SWAP70: variants seen among roughly 807,000 people sequenced by gnomAD.
SWAP70 encodes switching B cell complex subunit SWAP70.
In SWAP70, 34 loss-of-function variants were observed where a neutral mutation model predicts 80.2. The ratio of observed to expected loss-of-function variants is 0.42; its 90% confidence interval spans 0.32 to 0.56. The LOEUF (loss-of-function observed/expected upper bound fraction) is 0.56. SWAP70 is among the 20% of genes least tolerant of loss of function. The pLI is 0.09. For missense variants in SWAP70, 578 were observed against 690.7 expected, an observed-to-expected ratio of 0.84 and a Z score of 1.83; for synonymous variants, 239 against 238.5, an observed-to-expected ratio of 1.00 and a Z score of -0.02.
intron 1 of SWAP70, among the ~76,000 whole-genome samples, chr11:9,677,233 T>C (rs935494731): frequency 1.3e-5 from 2 of 152,142 alleles, no homozygotes; most frequent in African/African-American, 4.8e-5. Context: ...TTATTTCTCT[T>C]CTACTGGTGC....
chr11:9,731,956 CAGTT>C (rs1238297814), intron 6 of SWAP70, among the ~76,000 whole-genome samples: 3 of 152,012 alleles, frequency 2.0e-5, no homozygotes, highest in Admixed American at 6.5e-5. Flanking sequence ...TGTTGTATAA[CAGTT>C]AGATAATGCA....
chr11:9,740,426 G>A (rs778185098), intron 9 of SWAP70, 79 bp downstream of exon 9: 3 of 1,403,352 alleles, frequency 2.1e-6, no homozygotes, highest in South Asian at 2.3e-5. Context: ...CTAACACTCT[G>A]GTGGAGAGGG....
intron 4 of SWAP70, 176 bp downstream of exon 4, chr11:9,725,061 G>A (rs957862386): frequency 3.5e-6 from 2 of 569,088 alleles, no homozygotes; most frequent in Non-Finnish European, 3.1e-6. Flanking sequence ...GTGCAGTGAC[G>A]TGATCTTGGC....
chr11:9,683,088 C>T (rs552725938), intron 1 of SWAP70, among the ~76,000 whole-genome samples: 2 of 152,230 alleles, frequency 1.3e-5, no homozygotes, highest in South Asian at 4.1e-4. Flanking sequence ...ATAAATTTAC[C>T]TTTGAAGAAC....
At chr11:9,725,224 C>T (rs1292180664) in intron 4 of SWAP70, among the ~76,000 whole-genome samples, 1 of 151,828 alleles carries the variant, frequency 6.6e-6, no homozygotes, top group Non-Finnish European at 1.5e-5. Context: ...GTGATCCACC[C>T]ACGTCGGCCT....
chr11:9,707,557 C>CTTTTTTTTT (rs34901698), intron 2 of SWAP70, among the ~76,000 whole-genome samples: 1 of 64,814 alleles, frequency 1.5e-5, no homozygotes, highest in African/African-American at 5.8e-5. Flanking sequence ...TTTTTCTTTT[C>CTTTTTTTTT]TTTTTTTTTT....
intron 2 of SWAP70, among the ~76,000 whole-genome samples, chr11:9,698,385 GC>G (rs1276388114): frequency 2.6e-5 from 4 of 151,828 alleles, no homozygotes; most frequent in Admixed American, 2.6e-4. Flanking sequence ...ACGGGCGTGA[GC>G]CACTGTGCCT....
intron 1 of SWAP70, among the ~76,000 whole-genome samples, chr11:9,669,291 A>G (rs186513166): frequency 6.6e-6 from 1 of 152,156 alleles, no homozygotes; most frequent in African/African-American, 2.4e-5. Flanking sequence ...TCTGTTGCCC[A>G]GGGTTGAGTA....
chr11:9,728,806 T>A (rs1374717912), intron 5 of SWAP70, among the ~76,000 whole-genome samples: 1 of 152,166 alleles, frequency 6.6e-6, no homozygotes, highest in Non-Finnish European at 1.5e-5. Context: ...AATAATAATG[T>A]CTTGAGATGT....
intron 4 of SWAP70, 98 bp from the exon 5 acceptor site, chr11:9,727,955 A>G (rs1213447180): frequency 1.7e-6 from 2 of 1,163,590 alleles, no homozygotes; most frequent in South Asian, 1.7e-5. Flanking sequence ...TTTCAGGATC[A>G]TATATCAAAT....
intron 11 of SWAP70, 81 bp downstream of exon 11, chr11:9,749,264 A>T: frequency 5.2e-6 from 4 of 766,862 alleles, no homozygotes; most frequent in Non-Finnish European, 6.8e-6. Context: ...TTATTTTGAG[A>T]TGGAGTCTCG....
intron 4 of SWAP70, among the ~76,000 whole-genome samples, chr11:9,725,893 G>C (rs376951118): frequency 0.33 from 49,716 of 151,760 alleles, 8,361 homozygotes; most frequent in Non-Finnish European, 0.35. Flanking sequence ...TTTTATTTTG[G>C]AAATTCATAA....
chr11:9,728,300 A>G, intron 5 of SWAP70, 101 bp downstream of exon 5: 1 of 1,201,268 alleles, frequency 8.3e-7, no homozygotes, highest in East Asian at 2.8e-5. Flanking sequence ...ACCTTAAAAT[A>G]ATCCCCAAAT....
rs1415144493 is a variant in SWAP70, at chr11:9,675,371, GA to G, written c.99+11094del. ...CGAGAGAGAGAGAGAGAGAGAGAGA[GA>G]GAGAGAGAGAGAGAGAGAGAGAGAG... On this transcript the variant is annotated intron_variant, in intron 1 of 11. Transcript: ENST00000318950. Among the ~76,000 whole-genome samples, 424 of 46,100 alleles carry G rather than the reference GA, an allele frequency of 9.2e-3. 48 individuals are homozygous for G. The highest frequency in any genetic ancestry group is 0.016 in the Non-Finnish European group (286 of 18,372). 30.2% of individuals were successfully genotyped at this position (46,100 alleles called of 152,430 possible).
At position 9,727,175 on chromosome 11, in the gene SWAP70, G is replaced by A. The variant is rs574207799; in HGVS notation, c.643-878G>A. ...GGAGGCTGAGGTGGGCGGATCACGA[G>A]GTCAGGAGCTTGAGACCATCTGGCC... On this transcript the variant is annotated intron_variant, in intron 4 of 11. Coordinates refer to ENST00000318950, the MANE Select transcript of SWAP70 (RefSeq NM_015055.4). Among the ~76,000 whole-genome samples, 7 of 146,622 alleles carry A rather than the reference G, an allele frequency of 4.8e-5. No homozygotes were observed. The East Asian group carries it at 1.4e-3, about 29-fold the overall frequency.
chr11:9,702,660 A>G (rs1850848123), intron 2 of SWAP70, among the ~76,000 whole-genome samples: 1 of 152,032 alleles, frequency 6.6e-6, no homozygotes. Context: ...AGCTCAAGTG[A>G]TCCTCTTGCC....
intron 2 of SWAP70, among the ~76,000 whole-genome samples, chr11:9,707,947 A>G (rs1328238498): frequency 2.0e-5 from 3 of 152,254 alleles, no homozygotes; most frequent in South Asian, 4.1e-4. Context: ...TAGATAAGCT[A>G]TTTAGTGGTA....
chr11:9,713,597 T>C lies in SWAP70; in HGVS notation c.372T>C (p.Phe124=). The C allele has an allele frequency of 6.2e-7, 1 of 1,613,920 alleles. No homozygotes were observed. The highest frequency in any genetic ancestry group is 8.5e-7 in the Non-Finnish European group (1 of 1,179,936). ...DAFKIWVIFN[F]LSEDKYPLII... ...TTAAAATATGGGTTATTTTCAACTT[T>C]TTATCTGAGGACAAGTATCCATTAA... Residue 124 remains phenylalanine (F), a synonymous_variant, in exon 3 of 12, where the codon TTT becomes TTC. Coordinates refer to ENST00000318950, the MANE Select transcript of SWAP70 (RefSeq NM_015055.4).
intron 1 of SWAP70, among the ~76,000 whole-genome samples, chr11:9,671,746 A>C (rs1850407130): frequency 1.6e-5 from 1 of 63,638 alleles, no homozygotes; most frequent in African/African-American, 5.7e-5. Flanking sequence ...ATACATAGAA[A>C]TATAAATATA....
Sources: gnomAD v4.1 joint callset for allele counts (sites outside exome capture counted in the v4.1 genomes callset) on GRCh38, gnomAD v4.1.1 for gene constraint, MANE v1.5 for transcripts, NCBI Gene and HGNC (gene_info 2026-07-23, HGNC 2026-07-21) for gene names.